The following XBP1 variants were observed in gnomAD, a reference collection of about 807,000 sequenced individuals.
XBP1 encodes the protein X-box-binding protein 1.
A neutral mutation model predicts 34.6 loss-of-function variants in XBP1; 18 were observed. That is an observed-to-expected ratio of 0.52 (90% CI 0.36 to 0.77). The LOEUF (loss-of-function observed/expected upper bound fraction) is 0.77. Among genes scored for constraint, XBP1 ranks in the 30% least tolerant of loss-of-function variants. The pLI, the probability that XBP1 is intolerant of heterozygous loss-of-function variation, is 0.00. For synonymous variants in XBP1, 191 were observed against 193.4 expected, an observed-to-expected ratio of 0.99 and a Z score of 0.11; for missense variants, 422 against 464.6, an observed-to-expected ratio of 0.91 and a Z score of 0.84.
At chr22:28,797,086 C>T (rs144266565) in exon 3 of XBP1, 252 of 1,608,202 alleles carry the variant, frequency 1.6e-4, no homozygotes, top group Non-Finnish European at 2.0e-4. Flanking sequence ...CCTTGGCTTC[C>T]GCCTCCTCTT....
chr22:28,800,088 C>A (rs2146268194), intron 1 of XBP1: 1 of 739,350 alleles, frequency 1.4e-6, no homozygotes, highest in South Asian at 1.5e-5. Flanking sequence ...AGAAAAGAGC[C>A]CTGGGCCGCC....
At position 28,796,138 on chromosome 22, in the gene XBP1, G is replaced by A. The variant is rs771532486; in HGVS notation, c.498+10C>T. On this transcript the variant is annotated splice_polypyrimidine_tract_variant and intron_variant, in intron 4 of 5. Coordinates refer to ENST00000344347, the Ensembl canonical transcript of XBP1. ...GCCTGCACCTGCTGCAGAGGTGCACGTAGTCTGAGTGCTGCGGACTCAGCA... is the reference window on the plus strand; with the variant it reads ...GCCTGCACCTGCTGCAGAGGTGCACATAGTCTGAGTGCTGCGGACTCAGCA... 7.4e-6 allele frequency: 12 copies of A among 1,612,436 alleles called. No individual in the cohort carries two copies. The Middle Eastern group carries it at 6.6e-4, about 89-fold the overall frequency.
chr22:28,799,578 G>A (rs576725560), intron 1 of XBP1, among the ~76,000 whole-genome samples: 2 of 152,226 alleles, frequency 1.3e-5, no homozygotes, highest in East Asian at 3.9e-4. Flanking sequence ...CCGTCCCCCA[G>A]TCCAATTTAG....
At chr22:28,795,551 T>C (rs748819193) in exon 6 of XBP1, 1 of 1,614,152 alleles carries the variant, frequency 6.2e-7, no homozygotes, top group Non-Finnish European at 8.5e-7. Flanking sequence ...ACGAATTAGT[T>C]CATTAATGGC....
chr22:28,797,110 A>G (rs758724647), exon 3 of XBP1: 16 of 1,612,312 alleles, frequency 9.9e-6, no homozygotes, highest in Middle Eastern at 1.6e-4. Context: ...CAACCAGGGC[A>G]TCCATCCCCA....
chr22:28,799,455 C>G (rs2031823466), intron 1 of XBP1, among the ~76,000 whole-genome samples: 1 of 152,194 alleles, frequency 6.6e-6, no homozygotes, highest in Non-Finnish European at 1.5e-5. Flanking sequence ...AAGGAACTTT[C>G]CTCTTTCCCC....
At chr22:28,800,221 C>CTCCCA in intron 1 of XBP1, 77 bp downstream of exon 1, 1 of 1,487,976 alleles carries the variant, frequency 6.7e-7, no homozygotes. Context: ...GCTGGGTCCC[C>CTCCCA]GCTCCCAGCC....
At chr22:28,800,224 TCCCAGC>T (rs2031851809) in intron 1 of XBP1, 68 bp downstream of exon 1, 34 of 1,495,182 alleles carry the variant, frequency 2.3e-5, no homozygotes, top group Admixed American at 8.0e-5. Flanking sequence ...GGGTCCCCGC[TCCCAGC>T]CCCTGCCCCT....
At chr22:28,796,451 T>C in intron 3 of XBP1, 1 of 320,976 alleles carries the variant, frequency 3.1e-6, no homozygotes, top group East Asian at 5.7e-5. Context: ...CTTACCTCCC[T>C]TTTCTCATCT....
chr22:28,800,484 G>T, exon 1 of XBP1: 1 of 1,485,876 alleles, frequency 6.7e-7, no homozygotes, highest in Non-Finnish European at 8.9e-7. Context: ...AACTTTAGGG[G>T]TCCCGTCGGC....
chr22:28,798,725 T>C (rs2146266800), intron 2 of XBP1, among the ~76,000 whole-genome samples: 1 of 143,610 alleles, frequency 7.0e-6, no homozygotes, highest in South Asian at 2.4e-4. Context: ...TCCTCCCACC[T>C]CAACCTCCCG....
chr22:28,800,545 G>C, upstream of XBP1: 1 of 1,473,578 alleles, frequency 6.8e-7, no homozygotes, highest in East Asian at 2.9e-5. Flanking sequence ...TACGCACCGC[G>C]CACCGCGCGC....
At chr22:28,795,678 A>C in exon 6 of XBP1, 1 of 1,580,934 alleles carries the variant, frequency 6.3e-7, no homozygotes, top group Non-Finnish European at 8.6e-7. Context: ...GGGGAAGGGC[A>C]TTTGAAGAAC....
intron 2 of XBP1, 114 bp from the exon 3 acceptor site, chr22:28,797,319 C>T: frequency 7.1e-6 from 9 of 1,262,676 alleles, no homozygotes; most frequent in Non-Finnish European, 9.8e-6. Flanking sequence ...AAACTCTATG[C>T]TTGTGGTGTT....
At chr22:28,796,335 C>T (rs2031752553) in intron 3 of XBP1, 143 bp from the exon 4 acceptor site, 1 of 697,088 alleles carries the variant, frequency 1.4e-6, no homozygotes, top group Non-Finnish European at 2.2e-6. Context: ...TATCTAACAA[C>T]ATTATTATTA....
intron 1 of XBP1, 21 bp from the exon 2 acceptor site, chr22:28,799,174 C>G: frequency 6.3e-7 from 1 of 1,581,140 alleles, no homozygotes; most frequent in Non-Finnish European, 8.7e-7. Context: ...AAGGAACATA[C>G]CACACTGAGT....
chr22:28,795,635 A>G, exon 6 of XBP1: 1 of 1,610,696 alleles, frequency 6.2e-7, no homozygotes, highest in Non-Finnish European at 8.5e-7. Context: ...TTCTGGGTAG[A>G]CCTCTGGGAG....
chr22:28,795,128 A>G, downstream of XBP1: 1 of 1,455,298 alleles, frequency 6.9e-7, no homozygotes, highest in Non-Finnish European at 9.1e-7. Context: ...GCTATCCTCC[A>G]GGCAGTGTAA....
chr22:28,800,089 C>A (rs2031845454), intron 1 of XBP1: 1 of 741,354 alleles, frequency 1.3e-6, no homozygotes. Context: ...GAAAAGAGCC[C>A]TGGGCCGCCC....
Sources: allele counts gnomAD v4.1 joint callset (sites outside exome capture counted in the v4.1 genomes callset), GRCh38; gene constraint gnomAD v4.1.1; transcripts MANE v1.5; gene names NCBI Gene and HGNC (gene_info 2026-07-23, HGNC 2026-07-21).